The following PHLPP1 variants were observed in gnomAD, a reference collection of about 807,000 sequenced individuals.
PHLPP1 encodes PH domain and leucine rich repeat protein phosphatase 1.
Under a neutral mutation model 117.2 loss-of-function variants are expected in PHLPP1, and 42 were observed. The observed-to-expected ratio is 0.36, with a 90% CI of 0.28 to 0.46. PHLPP1 has a LOEUF of 0.46. PHLPP1 is among the 20% of genes least tolerant of loss of function. The pLI is 1.00. For missense variants in PHLPP1, 2,084 were observed against 2,241.9 expected, an observed-to-expected ratio of 0.93 and a Z score of 1.42; for synonymous variants, 1,042 against 970.7, an observed-to-expected ratio of 1.07 and a Z score of -1.37.
rs183961257 is a variant in PHLPP1 at position 62,775,454 on chromosome 18, C to G, written c.1577-54581C>G. 1.2e-4 allele frequency among the ~76,000 whole-genome samples: 19 copies of G among 152,236 alleles called. No homozygotes were observed. The East Asian group carries it at 3.7e-3, about 29-fold the overall frequency. ...CTATCTTGTTCTCATCAAATCTGTC[C>G]CTAGCCATTCTTATTACTTTTGTGC... On this transcript the variant is annotated intron_variant, in intron 1 of 16. Coordinates refer to ENST00000262719, the MANE Select transcript of PHLPP1 (RefSeq NM_194449.4).
chr18:62,763,669 T>C (rs541747038), intron 1 of PHLPP1, among the ~76,000 whole-genome samples: 1 of 152,334 alleles, frequency 6.6e-6, no homozygotes, highest in African/African-American at 2.4e-5. Context: ...AGTCAGTCCA[T>C]GGTGCTGTGA....
chr18:62,831,693 A>C (rs1050728438), intron 2 of PHLPP1, among the ~76,000 whole-genome samples: 1 of 152,196 alleles, frequency 6.6e-6, no homozygotes, highest in Non-Finnish European at 1.5e-5. Context: ...CAAGGGTTGT[A>C]AGTGAAGGAA....
intron 4 of PHLPP1, among the ~76,000 whole-genome samples, chr18:62,878,665 T>A (rs1916103220): frequency 6.6e-6 from 1 of 152,140 alleles, no homozygotes; most frequent in African/African-American, 2.4e-5. Flanking sequence ...CCTGGTGATG[T>A]CTTTTGGACG....
rs915930951 is a variant in PHLPP1 at position 62,972,718 on chromosome 18, A to G, written c.3755+10A>G. The G allele has an allele frequency of 1.9e-6, 3 of 1,592,468 alleles. No individual in the cohort carries two copies. The Middle Eastern group carries it at 5.0e-4, about 265-fold the overall frequency. ...TCATTGTCATGCAAAGGTAAAACTCAGAGTTCCTGCTTACCTGCTGTGTGT... is the reference window on the plus strand; with the variant it reads ...TCATTGTCATGCAAAGGTAAAACTCGGAGTTCCTGCTTACCTGCTGTGTGT... On this transcript the variant is annotated intron_variant, in intron 15 of 16. Transcript: ENST00000262719.
chr18:62,851,208 G>A (rs1915342596), intron 3 of PHLPP1, among the ~76,000 whole-genome samples: 1 of 152,180 alleles, frequency 6.6e-6, no homozygotes, highest in South Asian at 2.1e-4. Context: ...GAGAGCTGAG[G>A]ATACCTTGGA....
At chr18:62,912,902 T>G (rs1330068222) in intron 8 of PHLPP1, among the ~76,000 whole-genome samples, 1 of 152,222 alleles carries the variant, frequency 6.6e-6, no homozygotes, top group Non-Finnish European at 1.5e-5. Flanking sequence ...ATTATAGGCA[T>G]GAACCACCAT....
chr18:62,790,167 A>G (rs1282325317), intron 1 of PHLPP1, among the ~76,000 whole-genome samples: 2 of 152,206 alleles, frequency 1.3e-5, no homozygotes, highest in African/African-American at 2.4e-5. Flanking sequence ...CACCTCACCT[A>G]TTTAGTGTTT....
At chr18:62,753,057 C>A (rs971669268) in intron 1 of PHLPP1, among the ~76,000 whole-genome samples, 1 of 152,142 alleles carries the variant, frequency 6.6e-6, no homozygotes, top group South Asian at 2.1e-4. Flanking sequence ...CATGTGGAAC[C>A]CTTGACTAGA....
intron 1 of PHLPP1, among the ~76,000 whole-genome samples, chr18:62,786,628 A>C (rs1913293391): frequency 6.6e-6 from 1 of 152,246 alleles, no homozygotes; most frequent in South Asian, 2.1e-4. Flanking sequence ...GCAATTTAAG[A>C]ATGCTGTTTA....
chr18:62,896,337 G>C (rs1181340518), intron 6 of PHLPP1, among the ~76,000 whole-genome samples: 1 of 149,100 alleles, frequency 6.7e-6, no homozygotes, highest in Non-Finnish European at 1.5e-5. Flanking sequence ...TGTCGCCCAG[G>C]CTGGAGTGCG....
chr18:62,717,614 A>G (rs528690289), intron 1 of PHLPP1, among the ~76,000 whole-genome samples: 1 of 152,236 alleles, frequency 6.6e-6, no homozygotes, highest in African/African-American at 2.4e-5. Flanking sequence ...GATTTCAGGT[A>G]AACTGTCACG....
intron 7 of PHLPP1, among the ~76,000 whole-genome samples, chr18:62,904,271 G>T (rs914876783): frequency 6.6e-6 from 1 of 152,214 alleles, no homozygotes; most frequent in African/African-American, 2.4e-5. Context: ...TGAACCCATA[G>T]AAGTAATTAG....
At chr18:62,751,166 C>G (rs1381742859) in intron 1 of PHLPP1, among the ~76,000 whole-genome samples, 1 of 152,204 alleles carries the variant, frequency 6.6e-6, no homozygotes, top group Non-Finnish European at 1.5e-5. Flanking sequence ...AGGTTTTCCC[C>G]ACTACTTATT....
At chr18:62,935,521 G>C (rs975421937) in intron 10 of PHLPP1, among the ~76,000 whole-genome samples, 4 of 152,166 alleles carry the variant, frequency 2.6e-5, no homozygotes, top group Non-Finnish European at 5.9e-5. Flanking sequence ...ACAAATTGAT[G>C]CTACTGTTCA....
At chr18:62,879,889 C>G (rs1019582674) in intron 4 of PHLPP1, among the ~76,000 whole-genome samples, 1 of 152,066 alleles carries the variant, frequency 6.6e-6, no homozygotes, top group African/African-American at 2.4e-5. Flanking sequence ...GTCTGTCTTC[C>G]AGTCCCCCTC....
At chr18:62,946,864 T>TAACAC (rs1275833610) in intron 12 of PHLPP1, among the ~76,000 whole-genome samples, 3 of 151,932 alleles carry the variant, frequency 2.0e-5, no homozygotes, top group Non-Finnish European at 4.4e-5. Context: ...CCATCCTGGC[T>TAACAC]AACACGGTGA....
chr18:62,847,924 C>G (rs769026581), intron 3 of PHLPP1, among the ~76,000 whole-genome samples: 1 of 152,180 alleles, frequency 6.6e-6, no homozygotes, highest in Non-Finnish European at 1.5e-5. Flanking sequence ...CAAGAAAATT[C>G]GACTCCCTTT....
intron 12 of PHLPP1, among the ~76,000 whole-genome samples, chr18:62,954,288 A>G (rs1910552311): frequency 6.6e-6 from 1 of 152,232 alleles, no homozygotes. Flanking sequence ...GAAAGAGGGA[A>G]AGATAATTTT....
chr18:62,781,179 A>G (rs1375998463), intron 1 of PHLPP1, among the ~76,000 whole-genome samples: 1 of 152,186 alleles, frequency 6.6e-6, no homozygotes, highest in African/African-American at 2.4e-5. Context: ...TTTGCCTCAT[A>G]AGATTTTTGG....
Sources: gnomAD v4.1 joint callset for allele counts (sites outside exome capture counted in the v4.1 genomes callset) on GRCh38, gnomAD v4.1.1 for gene constraint, MANE v1.5 for transcripts, NCBI Gene and HGNC (gene_info 2026-07-23, HGNC 2026-07-21) for gene names.